NBAS: variants seen among roughly 807,000 people sequenced by gnomAD.
NBAS encodes the protein NAG/BC035112 fusion.
Under a neutral mutation model 302.5 loss-of-function variants are expected in NBAS, and 219 were observed. The observed-to-expected ratio is 0.72, with a 90% CI of 0.65 to 0.81. NBAS has a LOEUF of 0.81. Among genes scored for constraint, NBAS ranks in the 30% least tolerant of loss-of-function variants. NBAS has a pLI of 0.00. For synonymous variants in NBAS, 1,118 were observed against 1,021.6 expected (o/e 1.09, Z -1.80); for missense variants, 2,932 against 2,841.6 (o/e 1.03, Z -0.72).
chr2:15,379,488 G>C (rs1674922669), intron 30 of NBAS, 114 bp downstream of exon 30: 1 of 1,039,930 alleles, frequency 9.6e-7, no homozygotes, highest in Non-Finnish European at 1.5e-6. Context: ...GCCCCATATA[G>C]TGTAGTCAAT....
intron 21 of NBAS, among the ~76,000 whole-genome samples, chr2:15,437,316 TGAAAGA>T (rs1678075274): frequency 6.6e-6 from 1 of 151,976 alleles, no homozygotes; most frequent in Non-Finnish European, 1.5e-5. Flanking sequence ...CTCCATCTCT[TGAAAGA>T]GAAAGAGAGA....
chr2:15,034,362 C>G, the NBAS span, among the ~76,000 whole-genome samples: 5 of 151,698 alleles, frequency 3.3e-5, no homozygotes, highest in African/African-American at 1.2e-4. Flanking sequence ...GAAAAAAGGG[C>G]GAGCAGAAAG....
At chr2:15,218,424 G>GT (rs1169673626) in intron 48 of NBAS, among the ~76,000 whole-genome samples, 1 of 152,084 alleles carries the variant, frequency 6.6e-6, no homozygotes, top group Non-Finnish European at 1.5e-5. Flanking sequence ...TCCAACTATT[G>GT]TTTTTTTCTT....
intron 21 of NBAS, among the ~76,000 whole-genome samples, chr2:15,435,166 G>A (rs1677951303): frequency 6.6e-6 from 1 of 152,196 alleles, no homozygotes; most frequent in Non-Finnish European, 1.5e-5. Context: ...CCACCTATGT[G>A]AGTATGTAGT....
the NBAS span, among the ~76,000 whole-genome samples, chr2:15,042,036 T>A: frequency 9.2e-5 from 14 of 152,334 alleles, no homozygotes; most frequent in African/African-American, 3.1e-4. Flanking sequence ...GCTTTCAACA[T>A]GGACAATATT....
At chr2:15,465,490 A>G (rs1216276273) in intron 19 of NBAS, among the ~76,000 whole-genome samples, 1 of 152,208 alleles carries the variant, frequency 6.6e-6, no homozygotes, top group Non-Finnish European at 1.5e-5. Flanking sequence ...CAATGGCACA[A>G]TATCTTGCGT....
At chr2:15,496,320 T>C (rs1681069945) in intron 11 of NBAS, among the ~76,000 whole-genome samples, 1 of 152,102 alleles carries the variant, frequency 6.6e-6, no homozygotes, top group South Asian at 2.1e-4. Context: ...GCTTACGAGC[T>C]GGGGAGATGG....
At chr2:15,448,882 T>A (rs1462644265) in intron 21 of NBAS, among the ~76,000 whole-genome samples, 1 of 152,202 alleles carries the variant, frequency 6.6e-6, no homozygotes, top group East Asian at 1.9e-4. Context: ...AAGTTTTACA[T>A]ACTAATGAAA....
intron 12 of NBAS, among the ~76,000 whole-genome samples, chr2:15,484,797 T>C (rs979442864): frequency 1.3e-5 from 2 of 152,184 alleles, no homozygotes; most frequent in Admixed American, 1.3e-4. Context: ...TATTCCCTAC[T>C]GGAGCTCTTA....
chr2:15,502,530 A>G (rs1661619768), intron 11 of NBAS, among the ~76,000 whole-genome samples: 2 of 152,254 alleles, frequency 1.3e-5, no homozygotes, highest in South Asian at 4.1e-4. Context: ...CCTGCTCAGC[A>G]TGCTACTCTA....
chr2:15,070,028 G>A, the NBAS span, among the ~76,000 whole-genome samples: 9 of 152,160 alleles, frequency 5.9e-5, no homozygotes, highest in Admixed American at 3.3e-4. Flanking sequence ...GAACTGCAGA[G>A]TCCCCTGGCA....
chr2:15,437,227 G>A (rs1678068961), intron 21 of NBAS, among the ~76,000 whole-genome samples: 1 of 152,082 alleles, frequency 6.6e-6, no homozygotes. Context: ...AGGATACCTG[G>A]AGTTCCAGCT....
chr2:15,536,683 G>A, intron 7 of NBAS, 132 bp from the exon 8 acceptor site: 1 of 848,740 alleles, frequency 1.2e-6, no homozygotes, highest in Non-Finnish European at 1.8e-6. Flanking sequence ...GAATTGCTCT[G>A]TATACTCAAG....
the NBAS span, among the ~76,000 whole-genome samples, chr2:15,110,143 T>C: frequency 4.6e-5 from 7 of 152,128 alleles, no homozygotes; most frequent in African/African-American, 1.7e-4. Flanking sequence ...TTCCAAGGGC[T>C]ACAAAGATGA....
At chr2:14,904,201 A>G in the NBAS span, among the ~76,000 whole-genome samples, 2 of 152,364 alleles carry the variant, frequency 1.3e-5, no homozygotes, top group African/African-American at 4.8e-5. Flanking sequence ...GGAGTTTATT[A>G]GGGAGAACTG....
At chr2:15,061,672 C>G in the NBAS span, among the ~76,000 whole-genome samples, 2 of 152,094 alleles carry the variant, frequency 1.3e-5, no homozygotes, top group Admixed American at 6.5e-5. Flanking sequence ...CTGGCTTCGC[C>G]CAGGACCCCA....
At chr2:15,499,780 T>C (rs573026919) in intron 11 of NBAS, among the ~76,000 whole-genome samples, 1 of 152,190 alleles carries the variant, frequency 6.6e-6, no homozygotes, top group Middle Eastern at 3.2e-3. Flanking sequence ...TTAAATTTTT[T>C]AAAAAAGTAA....
the NBAS span, among the ~76,000 whole-genome samples, chr2:14,960,465 T>C: frequency 1.3e-5 from 2 of 152,220 alleles, no homozygotes; most frequent in African/African-American, 4.8e-5. Flanking sequence ...AAACACCTTC[T>C]GTGCATTAAG....
At chr2:15,536,395 T>C (rs745561725) in intron 8 of NBAS, 23 bp downstream of exon 8, 3 of 1,610,226 alleles carry the variant, frequency 1.9e-6, no homozygotes, top group East Asian at 4.5e-5. Context: ...ATTTCAAATA[T>C]GGCTTCCAAA....
Sources: allele counts gnomAD v4.1 joint callset (sites outside exome capture counted in the v4.1 genomes callset), GRCh38; gene constraint gnomAD v4.1.1; transcripts MANE v1.5; gene names NCBI Gene and HGNC (gene_info 2026-07-23, HGNC 2026-07-21).